The following CAPSL variants were observed in gnomAD, a reference collection of about 807,000 sequenced individuals.
CAPSL encodes the protein calcyphosine like.
In CAPSL, 17 loss-of-function variants were observed where a neutral mutation model predicts 21.3. The observed-to-expected ratio is 0.80, with a 90% CI of 0.55 to 1.20. CAPSL has a LOEUF of 1.20. Among genes scored for constraint, CAPSL ranks in the 50% most tolerant of loss-of-function variants. CAPSL has a pLI of 0.00. For synonymous variants in CAPSL, 102 were observed against 89.3 expected (o/e 1.14, Z -0.80); for missense variants, 289 against 259.3 (o/e 1.11, Z -0.79).
intron 2 of CAPSL, among the ~76,000 whole-genome samples, chr5:35,913,984 C>A (rs189843486): frequency 6.6e-6 from 1 of 152,114 alleles, no homozygotes. Flanking sequence ...CAGAGACACA[C>A]ACAGGCTCAC....
chr5:35,914,384 A>C (rs1302503215), intron 2 of CAPSL, among the ~76,000 whole-genome samples: 1 of 152,174 alleles, frequency 6.6e-6, no homozygotes, highest in Non-Finnish European at 1.5e-5. Context: ...AGAACTCTCC[A>C]CCCCAAATCA....
chr5:35,919,170 A>ATTATATATAT (rs1554069748), intron 2 of CAPSL, among the ~76,000 whole-genome samples: 19 of 121,264 alleles, frequency 1.6e-4, no homozygotes, highest in African/African-American at 5.3e-4. Context: ...TAAAAAAAAA[A>ATTATATATAT]ATATATATAT....
At chr5:35,907,226 T>G (rs909514641) in intron 4 of CAPSL, among the ~76,000 whole-genome samples, 1 of 152,170 alleles carries the variant, frequency 6.6e-6, no homozygotes, top group East Asian at 1.9e-4. Context: ...CAAGCCCTTT[T>G]TCTCAGCTCC....
At chr5:35,910,706 C>T (rs1738198740) in intron 2 of CAPSL, among the ~76,000 whole-genome samples, 163 bp from the exon 3 acceptor site, 1 of 151,862 alleles carries the variant, frequency 6.6e-6, no homozygotes, top group Admixed American at 6.6e-5. Context: ...CCTCTTCCCA[C>T]CACACACACA....
chr5:35,917,454 T>G (rs887036910), intron 2 of CAPSL, among the ~76,000 whole-genome samples: 6 of 152,164 alleles, frequency 3.9e-5, no homozygotes, highest in Non-Finnish European at 8.8e-5. Flanking sequence ...TAGCAAAGAC[T>G]TGGAACCAAC....
Position 35,918,159 on chromosome 5 carries a change from T to C in CAPSL, c.137+2825A>G, listed in dbSNP as rs188464928. On this transcript the variant is annotated intron_variant, in intron 2 of 4. Coordinates refer to ENST00000651391, the MANE Select transcript of CAPSL (RefSeq NM_001042625.2). ...TCTACTGTAAAGACACTTGCACACA[T>C]ATGTTTATTGCAGCTCTATTCACAA... Among the ~76,000 whole-genome samples the C allele has an allele frequency of 9.5e-4, 144 of 152,302 alleles. 1 individual carries two copies. The highest frequency in any genetic ancestry group is 3.4e-3 in the Middle Eastern group (1 of 294).
rs1760633786 is a variant in CAPSL at position 35,904,603 on chromosome 5, G to A, written c.569C>T (p.Ala190Val). The A allele has an allele frequency of 6.2e-7, 1 of 1,613,886 alleles. No individual in the cohort carries two copies. The highest frequency in any genetic ancestry group is 8.5e-7 in the Non-Finnish European group (1 of 1,179,958). Residue 190 changes from alanine to valine, a missense_variant, in exon 5 of 5, where the codon GCA becomes GTA. By Grantham distance (64) the Ala-to-Val change is moderately conservative. Transcript: ENST00000651391. ...EFMNYYAGVS[A>V]SIDTDVYFII... ...GAAGTACACATCAGTGTCAATGGAT[G>A]CGCTCACACCTGCATAGTAGTTCAT...
intron 2 of CAPSL, among the ~76,000 whole-genome samples, chr5:35,916,562 T>TC (rs757268519): frequency 8.4e-4 from 128 of 152,202 alleles, no homozygotes; most frequent in Admixed American, 4.9e-3. Flanking sequence ...TAATGCCACA[T>TC]ATCTACAACT....
At chr5:35,904,829 T>C in intron 4 of CAPSL, 183 bp from the exon 5 acceptor site, 1 of 470,222 alleles carries the variant, frequency 2.1e-6, no homozygotes, top group African/African-American at 2.1e-5. Flanking sequence ...GAACAGCACC[T>C]AGGAAGAGAG....
At chr5:35,909,417 A>G (rs7725151) in intron 4 of CAPSL, among the ~76,000 whole-genome samples, 151,489 of 152,316 alleles carry the variant, frequency 0.99, 75,340 homozygotes, top group Middle Eastern at 1. Flanking sequence ...GTGTGAAGGC[A>G]CTAAAACATC....
intron 4 of CAPSL, among the ~76,000 whole-genome samples, chr5:35,909,032 C>A (rs1268623102): frequency 1.3e-5 from 2 of 152,000 alleles, no homozygotes; most frequent in South Asian, 4.1e-4. Context: ...AGGGACAATC[C>A]CCTTTCCTTA....
intron 2 of CAPSL, among the ~76,000 whole-genome samples, chr5:35,916,053 T>C (rs1738376847): frequency 6.7e-6 from 1 of 148,752 alleles, no homozygotes; most frequent in South Asian, 2.1e-4. Flanking sequence ...ATCGCAAGCA[T>C]TCTTAAACAC....
chr5:35,919,506 C>T (rs891550754), intron 2 of CAPSL, among the ~76,000 whole-genome samples: 2 of 151,974 alleles, frequency 1.3e-5, no homozygotes, highest in South Asian at 2.1e-4. Flanking sequence ...AAGATGGTGC[C>T]GGGAGTCAAT....
chr5:35,926,455 G>A (rs1445304012), intron 1 of CAPSL, among the ~76,000 whole-genome samples: 3 of 138,710 alleles, frequency 2.2e-5, no homozygotes, highest in Non-Finnish European at 4.6e-5. Context: ...ACAACCAACT[G>A]CCACGCCAAA....
chr5:35,921,233 A>G, intron 1 of CAPSL, 113 bp from the exon 2 acceptor site: 1 of 1,321,554 alleles, frequency 7.6e-7, no homozygotes. Flanking sequence ...TCTGTCAGGA[A>G]ACCTCTCAGA....
At chr5:35,924,491 A>C (rs1442747692) in intron 1 of CAPSL, among the ~76,000 whole-genome samples, 1 of 152,088 alleles carries the variant, frequency 6.6e-6, no homozygotes, top group Non-Finnish European at 1.5e-5. Flanking sequence ...AGGCTGTCCC[A>C]CCTCTTGAGG....
At chr5:35,929,240 G>A (rs182272820) in intron 1 of CAPSL, among the ~76,000 whole-genome samples, 20 of 150,992 alleles carry the variant, frequency 1.3e-4, no homozygotes, top group South Asian at 8.4e-4. Flanking sequence ...CTGAGAATGC[G>A]CTACCAGGGA....
At chr5:35,925,196 T>C (rs1008230097) in intron 1 of CAPSL, among the ~76,000 whole-genome samples, 2 of 152,268 alleles carry the variant, frequency 1.3e-5, no homozygotes, top group African/African-American at 4.8e-5. Flanking sequence ...GTGCTAGGGG[T>C]AGGATGAAAG....
chr5:35,934,908 T>C (rs948219276), intron 1 of CAPSL, among the ~76,000 whole-genome samples: 3 of 152,206 alleles, frequency 2.0e-5, no homozygotes, highest in Admixed American at 6.5e-5. Context: ...TTATCCTGGA[T>C]GGTATCTGAT....
Sources: allele counts gnomAD v4.1 joint callset (sites outside exome capture counted in the v4.1 genomes callset), GRCh38; gene constraint gnomAD v4.1.1; transcripts MANE v1.5; gene names NCBI Gene and HGNC (gene_info 2026-07-23, HGNC 2026-07-21).